Variants in CMTM6 observed in about 807,000 individuals in gnomAD.
CMTM6 encodes the protein CKLF like MARVEL transmembrane domain containing 6.
CMTM6 carries 5 observed loss-of-function variants against 13.6 expected under a neutral mutation model. The ratio of observed to expected loss-of-function variants is 0.37; its 90% CI spans 0.19 to 0.77. The LOEUF (loss-of-function observed/expected upper bound fraction) is 0.77, where lower values mean the gene tolerates loss of function less well. Ranked by LOEUF, CMTM6 falls within the 30% of genes least tolerant of loss-of-function variation. The probability of loss-of-function intolerance (pLI) is 0.50; values close to 1 mark genes in which losing one functional copy is unlikely to be tolerated. For missense variants in CMTM6, 196 were observed against 218.6 expected (o/e 0.90, Z 0.65); for synonymous variants, 99 against 84.5 (o/e 1.17, Z -0.94).
intron 1 of CMTM6, among the ~76,000 whole-genome samples, chr3:32,496,482 C>G (rs1355810808): frequency 6.6e-6 from 1 of 152,104 alleles, no homozygotes; most frequent in South Asian, 2.1e-4. Flanking sequence ...TTTGTAAGCT[C>G]CCACAGCATT....
intron 3 of CMTM6, chr3:32,487,704 C>T (rs1244048279): frequency 6.2e-5 from 22 of 355,928 alleles, no homozygotes; most frequent in Non-Finnish European, 1.0e-4. Flanking sequence ...CAATAACACA[C>T]GGTATGTGGA....
intron 1 of CMTM6, among the ~76,000 whole-genome samples, chr3:32,492,705 A>T (rs939840252): frequency 6.6e-6 from 1 of 152,210 alleles, no homozygotes. Flanking sequence ...CTTATCAGAC[A>T]AGATGCAAAA....
intron 1 of CMTM6, among the ~76,000 whole-genome samples, chr3:32,496,458 T>G (rs1309830274): frequency 6.6e-6 from 1 of 152,086 alleles, no homozygotes; most frequent in East Asian, 1.9e-4. Context: ...TACCCATCTC[T>G]GAGGCTACTA....
intron 1 of CMTM6, among the ~76,000 whole-genome samples, chr3:32,498,858 A>G (rs989932979): frequency 5.3e-5 from 8 of 151,950 alleles, no homozygotes; most frequent in African/African-American, 1.7e-4. Context: ...GATTACAGGC[A>G]TGAGCCACCG....
chr3:32,502,785 C>T lies in CMTM6; in HGVS notation c.-40G>A, dbSNP rs1167193087. ...GAGCGCGGCGGCCGCAGCAACCGCGCCGTTGACTTCTCGGACTCCAGAAGT... is the reference window on the plus strand; with the variant it reads ...GAGCGCGGCGGCCGCAGCAACCGCGTCGTTGACTTCTCGGACTCCAGAAGT... On this transcript the variant is annotated 5_prime_UTR_variant, in exon 1 of 4. Coordinates refer to ENST00000205636, the MANE Select transcript of CMTM6 (RefSeq NM_017801.3). The T allele has an allele frequency of 1.4e-6, 2 of 1,396,938 alleles. No homozygotes were observed. The highest frequency in any genetic ancestry group is 6.3e-5 in the Admixed American group (2 of 31,832). The allele number at this position is 1,396,938 out of a possible 1,614,324, so 86.5% of individuals were successfully genotyped here. A position where few individuals can be genotyped will look rare whatever the true frequency, so the allele number is the denominator to read the frequency against.
Position 32,491,732 on chromosome 3 carries a change from T to A in CMTM6, c.293A>T (p.Asp98Val). The A allele has an allele frequency of 1.9e-6, 3 of 1,600,512 alleles. No homozygotes were observed. Among genetic ancestry groups the A allele is most frequent in the South Asian group, 2.2e-5 (2 of 88,928 alleles). The change falls in exon 2 of 4, where the codon GAT (aspartate) becomes GTT (valine). Residue 98 changes from aspartate to valine, a missense_variant. By Grantham distance (152) the Asp-to-Val change is radical. Around this residue, in one of 2 missense-constraint regions of CMTM6, gnomAD observed 111 missense variants for 160.0 expected, o/e 0.69. Transcript: ENST00000205636. Reference sequence around the variant, plus strand: ...TACCGATGATTTTACTTTTGTGGTATCAACTCTCTCATAAAATGGAGTGCA... The same window carrying A: ...TACCGATGATTTTACTTTTGTGGTAACAACTCTCTCATAAAATGGAGTGCA... ...VYCTPFYERV[D>V]TTKVKSSDFY... is the part of the protein sequence containing the mutation.
chr3:32,502,482 A>C, intron 1 of CMTM6, 126 bp downstream of exon 1: 2 of 1,220,920 alleles, frequency 1.6e-6, no homozygotes, highest in Non-Finnish European at 2.2e-6. Context: ...GAGGGAAGGA[A>C]CTAGAGGTGT....
intron 2 of CMTM6, among the ~76,000 whole-genome samples, chr3:32,489,086 G>A (rs1409752058): frequency 6.6e-6 from 1 of 151,370 alleles, no homozygotes; most frequent in Admixed American, 6.6e-5. Context: ...GACCAACATG[G>A]TGAAACCCTG....
In CMTM6 at chr3:32,491,715, ATT is replaced by A; in HGVS notation, c.308_309del (p.Lys103IlefsTer26). 1 of 1,590,332 alleles carries A rather than the reference ATT, an allele frequency of 6.3e-7. No individual in the cohort carries two copies. Among genetic ancestry groups the A allele is most frequent in the Non-Finnish European group, 8.5e-7 (1 of 1,170,312 alleles). ...TGATATTTTCTCATGCTTACCGATG[ATT>A]TTACTTTTGTGGTATCAACTCTCTC... The part of the protein sequence containing the change: ...FYERVDTTKV[K>X]SSDFYITLGT... On this transcript the variant is annotated frameshift_variant, in exon 2 of 4. Coordinates refer to ENST00000205636, the MANE Select transcript of CMTM6 (RefSeq NM_017801.3). LOFTEE classifies it high-confidence loss of function.
chr3:32,488,365 A>AC, intron 2 of CMTM6: 3 of 145,614 alleles, frequency 2.1e-5, no homozygotes, highest in Non-Finnish European at 4.4e-5. Flanking sequence ...GTCCAAAAAA[A>AC]GAAAAAAAAA....
In CMTM6 at chr3:32,482,024, T is replaced by G. The variant is rs1439782385; in HGVS notation, c.*1936A>C. On this transcript the variant is annotated 3_prime_UTR_variant, in exon 4 of 4. Transcript: ENST00000205636. Reference sequence around the variant, plus strand: ...ATATGCTCTGAATTTTAGATAGGTCTAAATCACAATGGTACAGTCTGATGT... The same window carrying G: ...ATATGCTCTGAATTTTAGATAGGTCGAAATCACAATGGTACAGTCTGATGT... 1 of 152,224 alleles carries G rather than the reference T, an allele frequency of 6.6e-6. No individual in the cohort carries two copies. Among genetic ancestry groups the G allele is most frequent in the Non-Finnish European group, 1.5e-5 (1 of 68,032 alleles). 9.4% of individuals were successfully genotyped at this position (152,224 alleles called of 1,614,324 possible). A position where few individuals can be genotyped will look rare whatever the true frequency, so the allele number is the denominator to read the frequency against.
chr3:32,502,696 G>A lies in CMTM6; in HGVS notation c.50C>T (p.Pro17Leu). ...GAGGCCGCTCCGGGGGCCTCTGGCGGGGCCCGGGTCCTCCTCCGTAGTGGG... is the reference window on the plus strand; with the variant it reads ...GAGGCCGCTCCGGGGGCCTCTGGCGAGGCCCGGGTCCTCCTCCGTAGTGGG... ...YSPTTEEDPG[P>L]ARGPRSGLAA... The change falls in exon 1 of 4, where the codon CCC becomes CTC. Residue 17 changes from proline to leucine, a missense_variant. Physicochemically the swap from Pro to Leu is moderately conservative, Grantham distance 98. Coordinates refer to ENST00000205636, the MANE Select transcript of CMTM6 (RefSeq NM_017801.3). 6.3e-7 allele frequency: 1 copy of A among 1,585,556 alleles called. No individual in the cohort carries two copies. The highest frequency in any genetic ancestry group is 1.4e-5 in the African/African-American group (1 of 74,056).
intron 2 of CMTM6, among the ~76,000 whole-genome samples, chr3:32,490,886 A>C (rs1336212270): frequency 6.6e-6 from 1 of 152,222 alleles, no homozygotes; most frequent in African/African-American, 2.4e-5. Flanking sequence ...TTCAAACTAT[A>C]AATCAACCAG....
intron 1 of CMTM6, among the ~76,000 whole-genome samples, chr3:32,500,135 A>T (rs1299605314): frequency 1.3e-5 from 2 of 152,250 alleles, no homozygotes; most frequent in Non-Finnish European, 2.9e-5. Context: ...CAGGGTTTGC[A>T]GGTCCCTTGT....
intron 1 of CMTM6, among the ~76,000 whole-genome samples, chr3:32,495,177 A>G (rs922647337): frequency 6.6e-6 from 1 of 152,218 alleles, no homozygotes; most frequent in Non-Finnish European, 1.5e-5. Context: ...ATTTATATAA[A>G]AGAAAAAAAA....
intron 3 of CMTM6, among the ~76,000 whole-genome samples, chr3:32,486,765 G>A (rs1458630801): frequency 2.6e-5 from 4 of 152,182 alleles, no homozygotes; most frequent in African/African-American, 9.7e-5. Context: ...TGGGGGTGGA[G>A]CCTAGCTGGA....
At chr3:32,498,730 C>A (rs1189597756) in intron 1 of CMTM6, among the ~76,000 whole-genome samples, 1 of 151,758 alleles carries the variant, frequency 6.6e-6, no homozygotes, top group African/African-American at 2.4e-5. Context: ...CAGGTGCACG[C>A]CACAATACCC....
intron 1 of CMTM6, among the ~76,000 whole-genome samples, chr3:32,501,576 G>T (rs1697345911): frequency 6.6e-6 from 1 of 152,206 alleles, no homozygotes; most frequent in Non-Finnish European, 1.5e-5. Context: ...CCGATTTTCC[G>T]ACTTCTGTTT....
intron 1 of CMTM6, among the ~76,000 whole-genome samples, chr3:32,499,317 T>C (rs1352813573): frequency 2.0e-5 from 3 of 152,296 alleles, no homozygotes; most frequent in African/African-American, 4.8e-5. Context: ...TTGGTACTTA[T>C]AGGGTAACAT....
Sources: allele counts gnomAD v4.1 joint callset (sites outside exome capture counted in the v4.1 genomes callset), GRCh38; gene constraint gnomAD v4.1.1; regional missense constraint gnomAD v4.1.1; transcripts MANE v1.5; gene names NCBI Gene and HGNC (gene_info 2026-07-23, HGNC 2026-07-21).